NDRG2: variants seen among roughly 807,000 people sequenced by gnomAD.
NDRG2 encodes protein NDRG2.
A neutral mutation model predicts 58.2 loss-of-function variants in NDRG2; 34 were observed. The ratio of observed to expected loss-of-function variants is 0.58; its 90% CI spans 0.44 to 0.78. The LOEUF is 0.78. Ranked by LOEUF, NDRG2 falls within the 30% of genes least tolerant of loss-of-function variation. The probability of loss-of-function intolerance (pLI) is 0.00; values close to 1 mark genes in which losing one functional copy is unlikely to be tolerated. For synonymous variants in NDRG2, 187 were observed against 175.9 expected, an observed-to-expected ratio of 1.06 and a Z score of -0.50; for missense variants, 434 against 471.2, an observed-to-expected ratio of 0.92 and a Z score of 0.73.
At chr14:21,031,055 G>A in intron 1 of NDRG2, 2 of 1,614,080 alleles carry the variant, frequency 1.2e-6, no homozygotes, top group Non-Finnish European at 8.5e-7. Flanking sequence ...GTTCAAAGAG[G>A]CAGTGAAGGA....
At chr14:21,022,632 A>C (rs1594421727) in intron 3 of NDRG2, 135 bp from the exon 4 acceptor site, 2 of 701,568 alleles carry the variant, frequency 2.9e-6, no homozygotes, top group East Asian at 5.4e-5. Context: ...AGGATCAGCA[A>C]GAATTGAGGA....
At chr14:21,038,605 C>T (rs1004396945) in intron 1 of NDRG2, among the ~76,000 whole-genome samples, 2 of 152,062 alleles carry the variant, frequency 1.3e-5, no homozygotes, top group Non-Finnish European at 2.9e-5. Context: ...GGGGGGAAAC[C>T]GGTCTGGCTG....
intron 1 of NDRG2, chr14:21,043,211 C>A: frequency 6.2e-7 from 1 of 1,614,182 alleles, no homozygotes; most frequent in Non-Finnish European, 8.5e-7. Context: ...CCTTCCTGCA[C>A]GAGCCTTTCT....
At chr14:21,062,931 T>C (rs1222194753) in intron 1 of NDRG2, among the ~76,000 whole-genome samples, 2 of 146,320 alleles carry the variant, frequency 1.4e-5, no homozygotes, top group African/African-American at 5.2e-5. Context: ...CTGGGCAGTA[T>C]AGTGAGACCT....
At chr14:21,067,427 A>T (rs1020367485) in intron 1 of NDRG2, among the ~76,000 whole-genome samples, 1 of 152,134 alleles carries the variant, frequency 6.6e-6, no homozygotes, top group Non-Finnish European at 1.5e-5. Context: ...TCTTTTATGA[A>T]CTTTGACAGC....
intron 1 of NDRG2, among the ~76,000 whole-genome samples, chr14:21,044,611 T>C (rs1462249422): frequency 1.3e-5 from 2 of 152,214 alleles, no homozygotes; most frequent in African/African-American, 4.8e-5. Flanking sequence ...CCTGTCCCCC[T>C]GGGCTACAGA....
At chr14:21,029,575 C>T (rs1883922220), upstream of NDRG2, among the ~76,000 whole-genome samples, 1 of 152,134 alleles carries the variant, frequency 6.6e-6, no homozygotes, top group Non-Finnish European at 1.5e-5. Flanking sequence ...TCAGCCTGGG[C>T]AACAGACAGC....
At chr14:21,055,531 G>T (rs1012312489) in intron 1 of NDRG2, among the ~76,000 whole-genome samples, 1 of 152,124 alleles carries the variant, frequency 6.6e-6, no homozygotes, top group Non-Finnish European at 1.5e-5. Context: ...GAATGACTAG[G>T]ATCAAAACAC....
chr14:21,047,524 G>T (rs1314336438), intron 1 of NDRG2, among the ~76,000 whole-genome samples: 1 of 152,216 alleles, frequency 6.6e-6, no homozygotes, highest in Non-Finnish European at 1.5e-5. Flanking sequence ...TGAGATACAA[G>T]AAGATAATAA....
intron 1 of NDRG2, among the ~76,000 whole-genome samples, chr14:21,041,786 T>C (rs1307773873): frequency 5.3e-5 from 8 of 152,244 alleles, no homozygotes; most frequent in African/African-American, 1.9e-4. Context: ...TACCTGGAAC[T>C]GGAGAGGCCT....
rs759325021 is a variant in NDRG2 at position 21,019,995 on chromosome 14, T to C, written c.556-19A>G. The C allele has an allele frequency of 3.7e-6, 6 of 1,611,984 alleles. No individual in the cohort carries two copies. The Admixed American group carries it at 5.0e-5, about 13-fold the overall frequency. ...CTGTTAGCTATGAGGAGAAGGCAGG[T>C]GAGAAAGTTCAGGGTATTGGCCAGG... On this transcript the variant is annotated intron_variant, in intron 8 of 15. Coordinates refer to ENST00000556147, the MANE Select transcript of NDRG2 (RefSeq NM_001320329.2).
At chr14:21,022,590 C>T in intron 3 of NDRG2, 93 bp from the exon 4 acceptor site, 1 of 904,964 alleles carries the variant, frequency 1.1e-6, no homozygotes, top group Non-Finnish European at 1.7e-6. Context: ...AGTGGGTGGG[C>T]AAGAGGGAAA....
rs1877253689 is a variant in NDRG2, at chr14:21,017,195, G to T, written c.*401C>A. The stretch of plus-strand genomic sequence containing the variant: ...GAAGCCACCTCAGCTTTGGTGAATG[G>T]AGCCCCAGCCCCAAATCCCCTCCCC... On this transcript the variant is annotated 3_prime_UTR_variant, in exon 16 of 16. Transcript: ENST00000556147. The T allele has an allele frequency of 2.8e-6, 1 of 363,494 alleles. No homozygotes were observed. The highest frequency in any genetic ancestry group is 2.1e-5 in the African/African-American group (1 of 47,156). The allele number at this position is 363,494 out of a possible 1,614,324, so 22.5% of individuals were successfully genotyped here.
At chr14:21,057,864 ACT>A (rs1233993046) in intron 1 of NDRG2, 2 of 1,591,208 alleles carry the variant, frequency 1.3e-6, no homozygotes, top group African/African-American at 2.7e-5. Context: ...CTACCTCCTC[ACT>A]CTGTTCCACT....
intron 1 of NDRG2, among the ~76,000 whole-genome samples, chr14:21,050,538 G>A (rs1429052418): frequency 1.3e-5 from 2 of 152,188 alleles, no homozygotes; most frequent in African/African-American, 4.8e-5. Context: ...GCAGAGCAAT[G>A]CTTCCCAGAA....
intron 1 of NDRG2, chr14:21,032,287 T>G: frequency 1.5e-6 from 1 of 662,454 alleles, no homozygotes; most frequent in Non-Finnish European, 2.8e-6. Flanking sequence ...GCCTTATGCC[T>G]ACCAGCCATC....
chr14:21,042,950 C>G, intron 1 of NDRG2: 1 of 1,558,324 alleles, frequency 6.4e-7, no homozygotes, highest in African/African-American at 1.4e-5. Flanking sequence ...ACCTCTGTCC[C>G]AGCGACCCCT....
At chr14:21,035,467 C>G (rs1055037117) in intron 1 of NDRG2, among the ~76,000 whole-genome samples, 2 of 152,204 alleles carry the variant, frequency 1.3e-5, no homozygotes. Context: ...AGAGCCAGCT[C>G]CCTGGAAACT....
chr14:21,052,348 G>A (rs1025337670), intron 1 of NDRG2, among the ~76,000 whole-genome samples: 3 of 152,200 alleles, frequency 2.0e-5, no homozygotes, highest in African/African-American at 7.2e-5. Context: ...GGTAGTACAC[G>A]ATTTAGAACC....
Sources: gnomAD v4.1 joint callset for allele counts (sites outside exome capture counted in the v4.1 genomes callset) on GRCh38, gnomAD v4.1.1 for gene constraint, MANE v1.5 for transcripts, NCBI Gene and HGNC (gene_info 2026-07-23, HGNC 2026-07-21) for gene names.